The following B4GALT6 variants were observed in gnomAD, a reference collection of about 807,000 sequenced individuals.
B4GALT6 encodes UDP-Gal:beta-GlcNAc beta-1,4-galactosyltransferase 6.
A neutral mutation model predicts 46.3 loss-of-function variants in B4GALT6; 14 were observed. The ratio of observed to expected loss-of-function variants is 0.30; its 90% CI spans 0.20 to 0.47. B4GALT6 has a LOEUF of 0.47. Among genes scored for constraint, B4GALT6 ranks in the 20% least tolerant of loss-of-function variants. B4GALT6 has a pLI of 0.99. For missense variants in B4GALT6, 386 were observed against 480.1 expected (o/e 0.80, Z 1.83); for synonymous variants, 168 against 162.0 (o/e 1.04, Z -0.28).
chr18:31,707,443 C>T, the B4GALT6 span, among the ~76,000 whole-genome samples: 5 of 151,866 alleles, frequency 3.3e-5, no homozygotes, highest in African/African-American at 7.3e-5. Context: ...GATCTCATTA[C>T]GAGTTGTAGC....
At chr18:31,667,957 C>T (rs913333094) in intron 1 of B4GALT6, among the ~76,000 whole-genome samples, 4 of 151,930 alleles carry the variant, frequency 2.6e-5, no homozygotes, top group African/African-American at 9.7e-5. Flanking sequence ...ATCAGCTGGA[C>T]ATGGTGGTGC....
At chr18:31,640,844 G>A (rs75656839) in intron 4 of B4GALT6, among the ~76,000 whole-genome samples, 20 of 152,328 alleles carry the variant, frequency 1.3e-4, no homozygotes, top group African/African-American at 2.2e-4. Flanking sequence ...AGGAATTCCC[G>A]AATCAAAACA....
chr18:31,657,981 T>C lies in B4GALT6; in HGVS notation c.341A>G (p.Tyr114Cys), dbSNP rs781724599. ...PYLPCPEKLP[Y>C]MRGFLNVNVS... ...AAAATTAGATGACGACTTACGCATA[T>C]AAGGCAGCTTTTCTGGACAGGGGAG... The change falls in exon 3 of 9, where the codon TAT becomes TGT. Residue 114 changes from tyrosine to cysteine, a missense_variant. Transcript: ENST00000306851. The C allele has an allele frequency of 2.5e-6, 4 of 1,610,924 alleles. No homozygotes were observed. Among genetic ancestry groups the C allele is most frequent in the Non-Finnish European group, 3.4e-6 (4 of 1,177,528 alleles).
chr18:31,720,014 C>G, the B4GALT6 span, among the ~76,000 whole-genome samples: 1 of 152,194 alleles, frequency 6.6e-6, no homozygotes, highest in Non-Finnish European at 1.5e-5. Flanking sequence ...ATTTGTCAGT[C>G]CTGCAAAGGC....
chr18:31,705,809 G>C, the B4GALT6 span, among the ~76,000 whole-genome samples: 2 of 152,332 alleles, frequency 1.3e-5, no homozygotes, highest in South Asian at 4.1e-4. Flanking sequence ...AGTAATTTCT[G>C]TAAGGTAGAA....
chr18:31,720,558 C>G, the B4GALT6 span, among the ~76,000 whole-genome samples: 1 of 152,248 alleles, frequency 6.6e-6, no homozygotes, highest in African/African-American at 2.4e-5. Flanking sequence ...GACTGACGCC[C>G]ACCCATGTGG....
chr18:31,701,008 A>T, the B4GALT6 span, among the ~76,000 whole-genome samples: 3 of 152,232 alleles, frequency 2.0e-5, no homozygotes, highest in Non-Finnish European at 4.4e-5. Context: ...AAATTAGATT[A>T]ACAAAAACAA....
rs1393115908 is a variant in B4GALT6 at position 31,622,768 on chromosome 18, T to TA, written c.*2845dup. On this transcript the variant is annotated 3_prime_UTR_variant, in exon 9 of 9. Transcript: ENST00000306851. ...TAAATGTAGATTTAAAAAATACTCA[T>TA]AAAACCCTAGTTTTAGCAAAGAATT... 6.6e-6 allele frequency: 1 copy of TA among 152,076 alleles called. No homozygotes were observed. Among genetic ancestry groups the TA allele is most frequent in the Non-Finnish European group, 1.5e-5 (1 of 67,922 alleles). 9.4% of individuals were successfully genotyped at this position (152,076 alleles called of 1,614,324 possible).
chr18:31,658,113 CAAAAAA>C, intron 2 of B4GALT6, 24 bp from the exon 3 acceptor site: 1 of 1,247,154 alleles, frequency 8.0e-7, no homozygotes, highest in South Asian at 1.5e-5. Context: ...AAAAGAGTTA[CAAAAAA>C]AAAAAAAAGG....
the B4GALT6 span, among the ~76,000 whole-genome samples, chr18:31,699,355 C>T: frequency 1.3e-5 from 2 of 149,694 alleles, no homozygotes; most frequent in African/African-American, 4.9e-5. Flanking sequence ...TCACTGCAAC[C>T]TCCACCTCCT....
chr18:31,664,759 A>C (rs1413326309), intron 2 of B4GALT6, among the ~76,000 whole-genome samples: 3 of 152,206 alleles, frequency 2.0e-5, no homozygotes, highest in African/African-American at 4.8e-5. Flanking sequence ...CAACTTATTC[A>C]ACCAGCACAA....
At position 31,658,102 on chromosome 18, in the gene B4GALT6, G is replaced by GA; in HGVS notation, c.233-14dup. ...CCTTCGGGATAATCTTGGAAAGAGA[G>GA]AAAAGAGTTACAAAAAAAAAAAAAA... On this transcript the variant is annotated splice_polypyrimidine_tract_variant and intron_variant, in intron 2 of 8. Transcript: ENST00000306851. The GA allele has an allele frequency of 1.5e-6, 2 of 1,365,356 alleles. No individual in the cohort carries two copies. The highest frequency in any genetic ancestry group is 3.0e-5 in the South Asian group (2 of 67,208). The allele number at this position is 1,365,356 out of a possible 1,614,324, so 84.6% of individuals were successfully genotyped here.
At chr18:31,723,407 A>G in the B4GALT6 span, among the ~76,000 whole-genome samples, 1 of 152,210 alleles carries the variant, frequency 6.6e-6, no homozygotes, top group Non-Finnish European at 1.5e-5. Context: ...ATTATTTAAC[A>G]TGCTGACTTT....
At chr18:31,633,507 T>C (rs2073817782) in intron 5 of B4GALT6, among the ~76,000 whole-genome samples, 1 of 152,198 alleles carries the variant, frequency 6.6e-6, no homozygotes, top group South Asian at 2.1e-4. Context: ...TCTTTCGGTT[T>C]CTAAAACATC....
At chr18:31,702,569 G>A in the B4GALT6 span, among the ~76,000 whole-genome samples, 1 of 152,168 alleles carries the variant, frequency 6.6e-6, no homozygotes, top group South Asian at 2.1e-4. Context: ...AGTCATGCTA[G>A]ATAATCTGAG....
In B4GALT6 at chr18:31,626,986, T is replaced by C; in HGVS notation, c.899+13A>G. 6.3e-7 allele frequency: 1 copy of C among 1,597,750 alleles called. No homozygotes were observed. Among genetic ancestry groups the C allele is most frequent in the Non-Finnish European group, 8.5e-7 (1 of 1,174,602 alleles). The stretch of plus-strand genomic sequence containing the variant: ...AAAAATTCTATTAGTGAACAATTTG[T>C]ACCTCAACATACCTGTTCCAAAGGT... On this transcript the variant is annotated intron_variant, in intron 7 of 8. Coordinates refer to ENST00000306851, the MANE Select transcript of B4GALT6 (RefSeq NM_004775.5).
At chr18:31,643,168 G>A (rs2073951325) in intron 4 of B4GALT6, among the ~76,000 whole-genome samples, 3 of 152,146 alleles carry the variant, frequency 2.0e-5, no homozygotes, top group Non-Finnish European at 1.5e-5. Flanking sequence ...ATATTTATAT[G>A]AGTACAGCTC....
chr18:31,687,203 C>T (rs1241269283), upstream of B4GALT6, among the ~76,000 whole-genome samples: 1 of 152,154 alleles, frequency 6.6e-6, no homozygotes, highest in Non-Finnish European at 1.5e-5. Context: ...TCGGTGCAGC[C>T]ATTGTTGTGA....
the B4GALT6 span, among the ~76,000 whole-genome samples, chr18:31,711,655 TC>T: frequency 6.6e-6 from 1 of 152,214 alleles, no homozygotes; most frequent in East Asian, 1.9e-4. Flanking sequence ...TCATGTTCTC[TC>T]CTTTCCAATG....
Sources: gnomAD v4.1 joint callset for allele counts (sites outside exome capture counted in the v4.1 genomes callset) on GRCh38, gnomAD v4.1.1 for gene constraint, MANE v1.5 for transcripts, NCBI Gene and HGNC (gene_info 2026-07-23, HGNC 2026-07-21) for gene names.